PDE4D: variants seen among roughly 807,000 people sequenced by gnomAD.
PDE4D encodes phosphodiesterase 4D, also known as 3',5'-cyclic-AMP phosphodiesterase 4D.
In PDE4D, 24 loss-of-function variants were observed where a neutral mutation model predicts 87.4. The ratio of observed to expected loss-of-function variants is 0.27; its 90% CI spans 0.20 to 0.39. PDE4D has a LOEUF of 0.39. Ranked by LOEUF, PDE4D falls within the 10% of genes least tolerant of loss-of-function variation. The pLI, the probability that PDE4D is intolerant of heterozygous loss-of-function variation, is 1.00. For missense variants in PDE4D, 714 were observed against 1,041.0 expected (o/e 0.69, Z 4.32); for synonymous variants, 384 against 383.2 (o/e 1.00, Z -0.02).
In PDE4D at chr5:59,048,545, A is replaced by T. The variant is rs116351670; in HGVS notation, c.809-9574T>A. On this transcript the variant is annotated intron_variant, in intron 5 of 14. Coordinates refer to ENST00000340635, the MANE Select transcript of PDE4D (RefSeq NM_001104631.2). ...AGGTTGTTCATTATAGTTAGCCTGG[A>T]TGGGGTCAGCTATGTTTGTAGAGGG... 5.0e-3 allele frequency among the ~76,000 whole-genome samples: 757 copies of T among 152,268 alleles called. 4 individuals carry two copies. The highest frequency in any genetic ancestry group is 0.017 in the African/African-American group (708 of 41,546).
intron 3 of PDE4D, among the ~76,000 whole-genome samples, chr5:59,967,836 G>GGAATCAAC (rs1389525265): frequency 4.6e-5 from 7 of 152,036 alleles, no homozygotes; most frequent in South Asian, 4.1e-4. Context: ...GCAAAGATGT[G>GGAATCAAC]GAATCAACCC....
At chr5:59,975,338 A>T (rs904230941) in intron 3 of PDE4D, among the ~76,000 whole-genome samples, 1 of 152,180 alleles carries the variant, frequency 6.6e-6, no homozygotes, top group Non-Finnish European at 1.5e-5. Flanking sequence ...CTATGTCTTG[A>T]ACATACCTTA....
chr5:59,281,009 C>G (rs1288015603), intron 1 of PDE4D, among the ~76,000 whole-genome samples: 1 of 152,040 alleles, frequency 6.6e-6, no homozygotes, highest in African/African-American at 2.4e-5. Flanking sequence ...ATACAGCCAT[C>G]CTTCTCCTAC....
At chr5:59,559,944 T>C (rs766049379) in intron 1 of PDE4D, among the ~76,000 whole-genome samples, 1 of 152,222 alleles carries the variant, frequency 6.6e-6, no homozygotes, top group Non-Finnish European at 1.5e-5. Flanking sequence ...TACCAGTTTC[T>C]TGACATATAG....
chr5:59,225,109 T>C (rs1753460203), intron 1 of PDE4D, among the ~76,000 whole-genome samples: 1 of 152,246 alleles, frequency 6.6e-6, no homozygotes, highest in Admixed American at 6.5e-5. Flanking sequence ...CATGAAATTT[T>C]CCCCCTAAAT....
chr5:59,103,453 C>T (rs935378423), intron 5 of PDE4D, among the ~76,000 whole-genome samples: 1 of 151,448 alleles, frequency 6.6e-6, no homozygotes, highest in South Asian at 2.1e-4. Context: ...TGGGAAGTTT[C>T]GCATTAAATA....
intron 5 of PDE4D, chr5:59,091,045 ATT>A: frequency 2.3e-6 from 1 of 429,492 alleles, no homozygotes; most frequent in Non-Finnish European, 4.6e-6. Flanking sequence ...AACAAATACA[ATT>A]CAAATATCTA....
In PDE4D at chr5:60,500,884, T is replaced by C. The variant is rs372464449; in HGVS notation, n.70+21167A>G. Among the ~76,000 whole-genome samples the C allele has an allele frequency of 1.1e-4, 16 of 152,280 alleles. No homozygotes were observed. In the South Asian group the frequency reaches 3.3e-3, roughly 32 times the overall value. ...TGCTATGATTATAAGGCAGGACTGA[T>C]ATAATTAACTCCTCTAACAGCTGAG... is the stretch of plus-strand genomic sequence containing the variant. On this transcript the variant is annotated intron_variant and non_coding_transcript_variant, in intron 1 of 2. Transcript: ENST00000506510.
upstream of PDE4D, among the ~76,000 whole-genome samples, chr5:59,894,514 G>GGAAGATCTTC (rs1751430466): frequency 6.6e-6 from 1 of 152,172 alleles, no homozygotes; most frequent in Non-Finnish European, 1.5e-5. Flanking sequence ...TCCTCTTGAA[G>GGAAGATCTTC]ATCTTCCTCC....
chr5:59,459,945 GAAC>G (rs751563851), intron 1 of PDE4D, among the ~76,000 whole-genome samples: 8 of 152,060 alleles, frequency 5.3e-5, no homozygotes, highest in Non-Finnish European at 8.8e-5. Flanking sequence ...ATAAAACCAA[GAAC>G]AATAACTGAC....
intron 2 of PDE4D, among the ~76,000 whole-genome samples, chr5:60,006,115 G>T (rs1051673747): frequency 4.0e-5 from 6 of 151,836 alleles, no homozygotes; most frequent in Non-Finnish European, 8.8e-5. Context: ...GAAATATTGT[G>T]TATTGAATTT....
chr5:59,560,613 C>T (rs1819813648), intron 1 of PDE4D, among the ~76,000 whole-genome samples: 1 of 152,182 alleles, frequency 6.6e-6, no homozygotes, highest in African/African-American at 2.4e-5. Context: ...TGGTGAAGCT[C>T]AGAGGAGAGA....
At chr5:60,323,036 G>T (rs1313219275) in intron 1 of PDE4D, among the ~76,000 whole-genome samples, 2 of 152,126 alleles carry the variant, frequency 1.3e-5, no homozygotes, top group African/African-American at 4.8e-5. Flanking sequence ...CTCCTCTGTA[G>T]GTTGATCTTC....
At chr5:59,337,510 T>C (rs796401551) in intron 1 of PDE4D, among the ~76,000 whole-genome samples, 2 of 152,124 alleles carry the variant, frequency 1.3e-5, no homozygotes, top group African/African-American at 4.8e-5. Context: ...CAGCTAACAT[T>C]TTTGCAGTAT....
At chr5:59,799,101 A>G (rs1010039622) in intron 1 of PDE4D, among the ~76,000 whole-genome samples, 15 of 152,196 alleles carry the variant, frequency 9.9e-5, no homozygotes, top group African/African-American at 3.6e-4. Flanking sequence ...AATCTTAACT[A>G]AAGTTTAATA....
chr5:59,905,344 A>G (rs1449663756), intron 3 of PDE4D, among the ~76,000 whole-genome samples: 7 of 152,166 alleles, frequency 4.6e-5, no homozygotes, highest in Non-Finnish European at 7.4e-5. Context: ...AAAGATGTGG[A>G]CTAATTGGCC....
At chr5:59,419,761 G>T (rs1012669237) in intron 1 of PDE4D, among the ~76,000 whole-genome samples, 1 of 152,108 alleles carries the variant, frequency 6.6e-6, no homozygotes, top group African/African-American at 2.4e-5. Context: ...TTGAATAAAA[G>T]AATGTCTGTA....
At chr5:59,991,902 G>A (rs953682344) in intron 2 of PDE4D, among the ~76,000 whole-genome samples, 2 of 152,136 alleles carry the variant, frequency 1.3e-5, no homozygotes, top group African/African-American at 4.8e-5. Context: ...TATTGTTCCT[G>A]GGTGTGTCTG....
intron 6 of PDE4D, among the ~76,000 whole-genome samples, chr5:59,017,606 T>C (rs1371247773): frequency 6.6e-6 from 1 of 152,186 alleles, no homozygotes; most frequent in African/African-American, 2.4e-5. Context: ...GAATAAGTAG[T>C]AACTTTCAAA....
Sources: gnomAD v4.1 joint callset for allele counts (sites outside exome capture counted in the v4.1 genomes callset) on GRCh38, gnomAD v4.1.1 for gene constraint, MANE v1.5 for transcripts, NCBI Gene and HGNC (gene_info 2026-07-23, HGNC 2026-07-21) for gene names.